Variants in MINDY4 observed in about 807,000 individuals in gnomAD.
The protein encoded by MINDY4 is MINDY lysine 48 deubiquitinase 4.
Under a neutral mutation model 87.0 loss-of-function variants are expected in MINDY4, and 68 were observed. The observed-to-expected ratio is 0.78, with a 90% CI of 0.64 to 0.96. The LOEUF is 0.96. Ranked by LOEUF, MINDY4 falls within the 40% of genes least tolerant of loss-of-function variation. The pLI is 0.00. For synonymous variants in MINDY4, 379 were observed against 363.2 expected (o/e 1.04, Z -0.50); for missense variants, 919 against 928.2 (o/e 0.99, Z 0.13).
chr7:30,794,202 C>T (rs915751004), intron 5 of MINDY4, among the ~76,000 whole-genome samples: 1 of 152,222 alleles, frequency 6.6e-6, no homozygotes, highest in African/African-American at 2.4e-5. Flanking sequence ...CCCTTCCCAA[C>T]TCCCCTCCAT....
intron 12 of MINDY4, among the ~76,000 whole-genome samples, chr7:30,855,512 AG>A (rs1282099845): frequency 6.6e-6 from 1 of 152,208 alleles, no homozygotes; most frequent in Middle Eastern, 3.2e-3. Flanking sequence ...AGGAAAAGGA[AG>A]TGACTGGTGA....
At chr7:30,884,355 G>T (rs1790567282) in intron 17 of MINDY4, among the ~76,000 whole-genome samples, 1 of 152,208 alleles carries the variant, frequency 6.6e-6, no homozygotes, top group Non-Finnish European at 1.5e-5. Context: ...AAGCATTCTT[G>T]CAGGGTCATG....
At chr7:30,873,088 G>A (rs1178577240) in intron 14 of MINDY4, among the ~76,000 whole-genome samples, 1 of 152,206 alleles carries the variant, frequency 6.6e-6, no homozygotes, top group Non-Finnish European at 1.5e-5. Flanking sequence ...CTTGCGCCCA[G>A]CTCTGGAAAC....
chr7:30,812,256 T>C (rs1245944948), intron 5 of MINDY4, among the ~76,000 whole-genome samples: 1 of 95,816 alleles, frequency 1.0e-5, no homozygotes, highest in African/African-American at 5.0e-5. Context: ...AGAAAAATAA[T>C]GTGTATGTGT....
chr7:30,886,972 G>A (rs982833740), intron 17 of MINDY4, among the ~76,000 whole-genome samples: 6 of 152,282 alleles, frequency 3.9e-5, no homozygotes, highest in East Asian at 1.9e-4. Flanking sequence ...AAAATGAAAC[G>A]GTTGTCAACA....
In MINDY4 at chr7:30,836,733, C is replaced by T; in HGVS notation, c.1208C>T (p.Ala403Val). The change falls in exon 7 of 18, where the codon GCA (alanine) becomes GTA (valine). Residue 403 changes from alanine to valine, a missense_variant. By Grantham distance (64) the Ala-to-Val change is moderately conservative (BLOSUM62 0). Coordinates refer to ENST00000265299, the MANE Select transcript of MINDY4 (RefSeq NM_032222.3). ...CCATCAGTGCTCAAGTTGCAGACAG[C>T]ATCAAAACCAATTGACCTCTCAGTA... is the stretch of plus-strand genomic sequence containing the variant. ...PVPSVLKLQT[A>V]SKPIDLSVAK... is the part of the protein sequence containing the mutation. 6.2e-7 allele frequency: 1 copy of T among 1,614,092 alleles called. No homozygotes were observed. The highest frequency in any genetic ancestry group is 8.5e-7 in the Non-Finnish European group (1 of 1,179,980).
intron 5 of MINDY4, among the ~76,000 whole-genome samples, chr7:30,810,043 G>T (rs1007552089): frequency 6.6e-6 from 1 of 151,896 alleles, no homozygotes; most frequent in Non-Finnish European, 1.5e-5. Flanking sequence ...AGTCATGGTG[G>T]TGCCTGCCTG....
In MINDY4 at chr7:30,864,552, G is replaced by A. The variant is rs151011771; in HGVS notation, c.1745+5228G>A. Reference sequence around the variant, plus strand: ...CTCCTCTGTCCCAGCTGCATTCTCAGGAAGGTCCTTCTGCACGGTGGGCTC... The same window carrying A: ...CTCCTCTGTCCCAGCTGCATTCTCAAGAAGGTCCTTCTGCACGGTGGGCTC... On this transcript the variant is annotated intron_variant, in intron 13 of 17. Transcript: ENST00000265299. Among the ~76,000 whole-genome samples the A allele has an allele frequency of 4.2e-3, 634 of 152,358 alleles. 1 individual carries two copies. Among genetic ancestry groups the A allele is most frequent in the African/African-American group, 0.015 (605 of 41,574 alleles).
intron 5 of MINDY4, among the ~76,000 whole-genome samples, chr7:30,827,078 C>A (rs896461169): frequency 1.3e-5 from 2 of 151,946 alleles, no homozygotes; most frequent in African/African-American, 4.8e-5. Context: ...CAGTTCGGAG[C>A]CTATTAAAAT....
intron 4 of MINDY4, 70 bp downstream of exon 4, chr7:30,786,062 T>G: frequency 1.9e-6 from 3 of 1,579,128 alleles, no homozygotes; most frequent in Non-Finnish European, 2.6e-6. Context: ...AAGGCACGCC[T>G]GGGTTTATTT....
At chr7:30,862,763 C>G (rs1789805306) in intron 13 of MINDY4, among the ~76,000 whole-genome samples, 1 of 152,234 alleles carries the variant, frequency 6.6e-6, no homozygotes, top group African/African-American at 2.4e-5. Context: ...TACCTAGGTC[C>G]TCAGCGCAGC....
intron 5 of MINDY4, among the ~76,000 whole-genome samples, chr7:30,825,329 G>A (rs1229737261): frequency 1.3e-5 from 2 of 152,172 alleles, no homozygotes; most frequent in Admixed American, 6.5e-5. Flanking sequence ...ATGGGAACCC[G>A]GCACAAAGCA....
chr7:30,877,848 TTTTTTTTTTTA>T (rs1790320226), intron 15 of MINDY4, among the ~76,000 whole-genome samples: 1 of 103,910 alleles, frequency 9.6e-6, no homozygotes, highest in African/African-American at 5.5e-5. Flanking sequence ...TTTTTTTTTT[TTTTTTTTTTTA>T]AGTAGAGATG....
At chr7:30,794,148 C>G (rs1787408922) in intron 5 of MINDY4, among the ~76,000 whole-genome samples, 1 of 152,150 alleles carries the variant, frequency 6.6e-6, no homozygotes, top group Non-Finnish European at 1.5e-5. Context: ...GATTTGAAAC[C>G]AGGGCCAAAG....
Position 30,859,167 on chromosome 7 carries a change from G to T in MINDY4, c.1678-90G>T, listed in dbSNP as rs767038918. On this transcript the variant is annotated intron_variant, in intron 12 of 17. Transcript: ENST00000265299. ...GGAGGCAGTTGGCTCAGGGCAGGCT[G>T]CTCCCTGGGGTGTGGCTCCCACAGA... 1.2e-5 allele frequency: 16 copies of T among 1,335,776 alleles called. No individual in the cohort carries two copies. The South Asian group carries it at 1.5e-4, about 13-fold the overall frequency. 82.7% of individuals were successfully genotyped at this position (1,335,776 alleles called of 1,614,324 possible). A position where few individuals can be genotyped will look rare whatever the true frequency, so the allele number is the denominator to read the frequency against.
At chr7:30,782,926 CTT>C (rs1787048800) in intron 3 of MINDY4, among the ~76,000 whole-genome samples, 1 of 152,192 alleles carries the variant, frequency 6.6e-6, no homozygotes, top group Non-Finnish European at 1.5e-5. Context: ...ATCTGCCTTA[CTT>C]AAAGTCAACT....
chr7:30,791,115 T>C, intron 4 of MINDY4, 50 bp from the exon 5 acceptor site: 1 of 1,508,344 alleles, frequency 6.6e-7, no homozygotes, highest in Non-Finnish European at 9.0e-7. Context: ...ATCTTTGTTT[T>C]CCAGCTCCCC....
At chr7:30,773,485 C>T (rs1043861528) in intron 1 of MINDY4, among the ~76,000 whole-genome samples, 1 of 152,140 alleles carries the variant, frequency 6.6e-6, no homozygotes, top group African/African-American at 2.4e-5. Context: ...CCTCATCTTC[C>T]ATGACTGCTT....
chr7:30,830,479 G>A (rs1788665990), intron 6 of MINDY4, among the ~76,000 whole-genome samples: 1 of 152,132 alleles, frequency 6.6e-6, no homozygotes, highest in African/African-American at 2.4e-5. Flanking sequence ...GCATGGCTGG[G>A]GAGGCCTCAG....
Sources: allele counts gnomAD v4.1 joint callset (sites outside exome capture counted in the v4.1 genomes callset), GRCh38; gene constraint gnomAD v4.1.1; transcripts MANE v1.5; gene names NCBI Gene and HGNC (gene_info 2026-07-23, HGNC 2026-07-21).